BMP5: variants seen among roughly 807,000 people sequenced by gnomAD.
BMP5 encodes the protein bone morphogenetic protein 5.
A neutral mutation model predicts 46.6 loss-of-function variants in BMP5; 23 were observed. That is an observed-to-expected ratio of 0.49 (90% CI 0.35 to 0.70). The LOEUF is 0.70. Among genes scored for constraint, BMP5 ranks in the 30% least tolerant of loss-of-function variants. The probability of loss-of-function intolerance (pLI) is 0.00; values close to 1 mark genes in which losing one functional copy is unlikely to be tolerated. For synonymous variants in BMP5, 204 were observed against 191.9 expected, an observed-to-expected ratio of 1.06 and a Z score of -0.52; for missense variants, 545 against 565.6, an observed-to-expected ratio of 0.96 and a Z score of 0.37.
Position 55,754,576 on chromosome 6 carries a change from C to G in BMP5, c.*957G>C, listed in dbSNP as rs1358976803. Reference sequence around the variant, plus strand: ...AAATCCCTTGCATCACATCAATCAGCAAACTCAGTTATAAAGGAGAGCTAA... The same window carrying G: ...AAATCCCTTGCATCACATCAATCAGGAAACTCAGTTATAAAGGAGAGCTAA... On this transcript the variant is annotated 3_prime_UTR_variant, in exon 7 of 7. Coordinates refer to ENST00000370830, the MANE Select transcript of BMP5 (RefSeq NM_021073.4). 1.3e-5 allele frequency: 2 copies of G among 151,960 alleles called. No individual in the cohort carries two copies. The highest frequency in any genetic ancestry group is 1.3e-4 in the Admixed American group (2 of 15,212). The allele number at this position is 151,960 out of a possible 1,614,324, so 9.4% of individuals were successfully genotyped here. A position where few individuals can be genotyped will look rare whatever the true frequency, so the allele number is the denominator to read the frequency against.
intron 3 of BMP5, among the ~76,000 whole-genome samples, chr6:55,782,788 T>C (rs1228783121): frequency 2.0e-5 from 3 of 152,134 alleles, no homozygotes; most frequent in Non-Finnish European, 4.4e-5. Context: ...ACAGCTGCCA[T>C]GTACTGAAGA....
At chr6:55,821,006 T>C (rs557922433) in intron 1 of BMP5, among the ~76,000 whole-genome samples, 10 of 152,272 alleles carry the variant, frequency 6.6e-5, no homozygotes, top group Middle Eastern at 3.4e-3. Context: ...ATTAATTGAT[T>C]CACAAAGCTC....
At chr6:55,866,961 C>T (rs2127555399) in intron 1 of BMP5, among the ~76,000 whole-genome samples, 1 of 152,252 alleles carries the variant, frequency 6.6e-6, no homozygotes, top group African/African-American at 2.4e-5. Flanking sequence ...GTAACTTGCA[C>T]TGAAATTGAA....
chr6:55,771,788 A>T (rs1464902006), intron 4 of BMP5, among the ~76,000 whole-genome samples: 1 of 151,676 alleles, frequency 6.6e-6, no homozygotes, highest in Non-Finnish European at 1.5e-5. Context: ...TTCCTCCCTA[A>T]CTCCATCCCC....
At chr6:55,762,344 A>G (rs184513563) in intron 4 of BMP5, among the ~76,000 whole-genome samples, 156 of 152,294 alleles carry the variant, frequency 1.0e-3, no homozygotes, top group African/African-American at 3.3e-3. Context: ...GTTAGAGATC[A>G]AAGGAGCCCA....
chr6:55,800,040 A>T (rs1775805811), intron 2 of BMP5, among the ~76,000 whole-genome samples: 2 of 152,332 alleles, frequency 1.3e-5, no homozygotes, highest in African/African-American at 2.4e-5. Flanking sequence ...AACAACAAAC[A>T]CACATGTATA....
At chr6:55,857,524 T>G (rs1777428685) in intron 1 of BMP5, among the ~76,000 whole-genome samples, 1 of 152,152 alleles carries the variant, frequency 6.6e-6, no homozygotes, top group African/African-American at 2.4e-5. Context: ...CCTATATCAT[T>G]GTGATCATTT....
chr6:55,864,400 G>C (rs1183472966), intron 1 of BMP5, among the ~76,000 whole-genome samples: 2 of 151,968 alleles, frequency 1.3e-5, no homozygotes, highest in Admixed American at 1.3e-4. Context: ...TGGTCGCCTG[G>C]GAATGGATTA....
chr6:55,858,557 A>G (rs1357600300), intron 1 of BMP5, among the ~76,000 whole-genome samples: 1 of 152,252 alleles, frequency 6.6e-6, no homozygotes, highest in East Asian at 1.9e-4. Context: ...ATTATCAAGA[A>G]TGGAAATACA....
At chr6:55,777,647 A>T (rs1474615269) in intron 3 of BMP5, among the ~76,000 whole-genome samples, 1 of 152,018 alleles carries the variant, frequency 6.6e-6, no homozygotes, top group East Asian at 1.9e-4. Context: ...GATAGATTTG[A>T]TTCGCCAGGC....
At chr6:55,814,939 C>G (rs1225159107) in intron 2 of BMP5, among the ~76,000 whole-genome samples, 1 of 152,034 alleles carries the variant, frequency 6.6e-6, no homozygotes, top group East Asian at 1.9e-4. Context: ...AGACCACCAG[C>G]CTGATCAACA....
intron 1 of BMP5, among the ~76,000 whole-genome samples, chr6:55,823,139 T>C (rs1776447990): frequency 6.6e-6 from 1 of 152,070 alleles, no homozygotes; most frequent in Non-Finnish European, 1.5e-5. Flanking sequence ...AACAGATGTC[T>C]GTCTCCTAAA....
intron 3 of BMP5, among the ~76,000 whole-genome samples, chr6:55,787,581 A>G (rs147759847): frequency 1.4e-4 from 22 of 151,756 alleles, no homozygotes; most frequent in Admixed American, 5.9e-4. Context: ...GCAGGTAGGA[A>G]TGAAAAACAA....
Position 55,824,662 on chromosome 6 carries a change from C to G in BMP5, c.491-4815G>C, listed in dbSNP as rs182351699. The stretch of plus-strand genomic sequence containing the variant: ...TTTTTTTCCTAGTACCATCCCTTAT[C>G]TCAGACCAAAAATGACATTTCTCTC... On this transcript the variant is annotated intron_variant, in intron 1 of 6. Transcript: ENST00000370830. Among the ~76,000 whole-genome samples, 44 of 151,968 alleles carry G rather than the reference C, an allele frequency of 2.9e-4. 1 individual carries two copies. In the East Asian group the frequency reaches 7.3e-3, roughly 25 times the overall value.
intron 1 of BMP5, among the ~76,000 whole-genome samples, chr6:55,859,783 TA>T (rs909346715): frequency 6.6e-6 from 1 of 152,198 alleles, no homozygotes; most frequent in African/African-American, 2.4e-5. Context: ...TCCTTCTCCA[TA>T]AAGGAAAGTT....
chr6:55,859,159 A>G (rs1245908347), intron 1 of BMP5, among the ~76,000 whole-genome samples: 5 of 152,226 alleles, frequency 3.3e-5, no homozygotes, highest in South Asian at 2.1e-4. Flanking sequence ...AAAAAGGTAT[A>G]GGATAGCAAG....
chr6:55,835,043 G>C (rs1776756808), intron 1 of BMP5, among the ~76,000 whole-genome samples: 3 of 151,240 alleles, frequency 2.0e-5, no homozygotes, highest in Admixed American at 2.0e-4. Flanking sequence ...ACGAAGTTGT[G>C]CCATTGCTCT....
chr6:55,847,131 C>T (rs897040603), intron 1 of BMP5, among the ~76,000 whole-genome samples: 4 of 151,828 alleles, frequency 2.6e-5, no homozygotes, highest in African/African-American at 9.7e-5. Flanking sequence ...TATAATATTC[C>T]AAGAGACTTG....
At chr6:55,803,722 C>G (rs974758374) in intron 2 of BMP5, among the ~76,000 whole-genome samples, 1 of 152,180 alleles carries the variant, frequency 6.6e-6, no homozygotes. Context: ...TTCAGCTTCT[C>G]TACATCCTAA....
Sources: allele counts gnomAD v4.1 joint callset (sites outside exome capture counted in the v4.1 genomes callset), GRCh38; gene constraint gnomAD v4.1.1; transcripts MANE v1.5; gene names NCBI Gene and HGNC (gene_info 2026-07-23, HGNC 2026-07-21).